DNER: variants seen among roughly 807,000 people sequenced by gnomAD.
DNER encodes the protein delta and Notch-like epidermal growth factor-related receptor.
DNER carries 33 observed loss-of-function variants against 78.2 expected under a neutral mutation model. The ratio of observed to expected loss-of-function variants is 0.42; its 90% CI spans 0.32 to 0.56. The LOEUF (loss-of-function observed/expected upper bound fraction) is 0.56. Ranked by LOEUF, DNER falls within the 20% of genes least tolerant of loss-of-function variation. The pLI, the probability that DNER is intolerant of heterozygous loss-of-function variation, is 0.11. For synonymous variants in DNER, 417 were observed against 384.8 expected (o/e 1.08, Z -0.98); for missense variants, 918 against 975.3 (o/e 0.94, Z 0.78).
At chr2:229,459,381 T>C (rs1034635666) in intron 7 of DNER, among the ~76,000 whole-genome samples, 7 of 152,148 alleles carry the variant, frequency 4.6e-5, no homozygotes, top group Non-Finnish European at 1.0e-4. Flanking sequence ...GTAGTTATAG[T>C]TGTACTAGTA....
At chr2:229,593,591 T>TA (rs898901207) in intron 1 of DNER, among the ~76,000 whole-genome samples, 1 of 152,104 alleles carries the variant, frequency 6.6e-6, no homozygotes, top group African/African-American at 2.4e-5. Context: ...GATGGGACTT[T>TA]AAAAAAAATT....
At chr2:229,627,347 G>T (rs1266310295) in intron 1 of DNER, among the ~76,000 whole-genome samples, 2 of 152,108 alleles carry the variant, frequency 1.3e-5, no homozygotes, top group East Asian at 3.8e-4. Context: ...TAGCTCAACA[G>T]GTCACCTAAA....
At chr2:229,411,651 T>C (rs899496291) in intron 9 of DNER, among the ~76,000 whole-genome samples, 10 of 152,164 alleles carry the variant, frequency 6.6e-5, no homozygotes, top group African/African-American at 2.4e-4. Flanking sequence ...ATCTGGAAAG[T>C]AGGAAAACAA....
intron 10 of DNER, among the ~76,000 whole-genome samples, chr2:229,403,579 C>A (rs1693315430): frequency 6.6e-6 from 1 of 152,132 alleles, no homozygotes; most frequent in African/African-American, 2.4e-5. Context: ...CCTCTGTAGG[C>A]TGAAAAACTA....
At chr2:229,651,772 A>C (rs528449580) in intron 1 of DNER, among the ~76,000 whole-genome samples, 5 of 152,230 alleles carry the variant, frequency 3.3e-5, no homozygotes, top group Non-Finnish European at 7.3e-5. Flanking sequence ...GATTTCAAAA[A>C]GGAACATGAG....
chr2:229,704,101 T>C (rs1699791273), intron 1 of DNER, among the ~76,000 whole-genome samples: 1 of 152,200 alleles, frequency 6.6e-6, no homozygotes, highest in African/African-American at 2.4e-5. Flanking sequence ...TATGAAAAGA[T>C]GTTCAACACC....
At chr2:229,487,921 G>A (rs1215647580) in intron 6 of DNER, among the ~76,000 whole-genome samples, 1 of 152,318 alleles carries the variant, frequency 6.6e-6, no homozygotes, top group Non-Finnish European at 1.5e-5. Flanking sequence ...ACAAGGCTAG[G>A]CTAGGGCCCC....
At chr2:229,598,394 C>G (rs1164258640) in intron 1 of DNER, among the ~76,000 whole-genome samples, 2 of 152,220 alleles carry the variant, frequency 1.3e-5, no homozygotes, top group African/African-American at 4.8e-5. Context: ...TGAATAAAGC[C>G]TTACCTGGCC....
intron 1 of DNER, among the ~76,000 whole-genome samples, chr2:229,687,261 T>C (rs1260369987): frequency 7.0e-6 from 1 of 143,878 alleles, no homozygotes; most frequent in Non-Finnish European, 1.5e-5. Context: ...AATTTCCAAC[T>C]TCTTTTTTTT....
intron 6 of DNER, among the ~76,000 whole-genome samples, chr2:229,492,959 C>A (rs1316687276): frequency 1.3e-5 from 2 of 152,180 alleles, no homozygotes; most frequent in Admixed American, 6.5e-5. Context: ...ACCTGAGCCA[C>A]CACACCCAGC....
chr2:229,496,937 C>T (rs753837935), intron 6 of DNER, among the ~76,000 whole-genome samples: 4 of 152,106 alleles, frequency 2.6e-5, no homozygotes, highest in Non-Finnish European at 4.4e-5. Context: ...CTGGACTGTA[C>T]TTCAGGCCAA....
At chr2:229,382,809 C>T (rs1392732441) in intron 11 of DNER, among the ~76,000 whole-genome samples, 2 of 152,036 alleles carry the variant, frequency 1.3e-5, no homozygotes, top group Admixed American at 6.6e-5. Flanking sequence ...TTGAAAGTGA[C>T]GGGGAGAATG....
intron 4 of DNER, among the ~76,000 whole-genome samples, chr2:229,559,707 T>C (rs1183126831): frequency 2.0e-5 from 3 of 152,210 alleles, no homozygotes. Context: ...GCTACACAAC[T>C]GGGAGATTTC....
chr2:229,496,844 A>G (rs1695513197), intron 6 of DNER, among the ~76,000 whole-genome samples: 2 of 152,202 alleles, frequency 1.3e-5, no homozygotes, highest in Admixed American at 6.5e-5. Context: ...TTAGACTGCA[A>G]TACAATAGCA....
rs571518557 is a variant in DNER, at chr2:229,367,027, A to C, written c.1948T>G (p.Phe650Val). 1 of 1,614,080 alleles carries C rather than the reference A, an allele frequency of 6.2e-7. No individual in the cohort carries two copies. Among genetic ancestry groups the C allele is most frequent in the South Asian group, 1.1e-5 (1 of 91,052 alleles). Residue 650 changes from phenylalanine to valine, a missense_variant, in exon 12 of 13, where the codon TTC (phenylalanine) becomes GTC (valine). Transcript: ENST00000341772. ...YIIIGALCVA[F>V]ILMLIILIVG... is the part of the protein sequence containing the mutation. ...ATCAGGATGATCAGCATAAGGATGA[A>C]GGCCACGCAGAGGGCTCCAATGATG...
intron 1 of DNER, among the ~76,000 whole-genome samples, chr2:229,612,603 T>A (rs1698069857): frequency 6.6e-6 from 1 of 152,258 alleles, no homozygotes; most frequent in African/African-American, 2.4e-5. Context: ...GAAGCCTCGC[T>A]GCGGACACAA....
At chr2:229,462,900 A>C (rs910632493) in intron 7 of DNER, among the ~76,000 whole-genome samples, 1 of 152,022 alleles carries the variant, frequency 6.6e-6, no homozygotes, top group African/African-American at 2.4e-5. Flanking sequence ...CACTGTCCAG[A>C]AGCTGCTGCT....
At chr2:229,400,144 G>A (rs916650110) in intron 10 of DNER, among the ~76,000 whole-genome samples, 1 of 152,042 alleles carries the variant, frequency 6.6e-6, no homozygotes, top group Non-Finnish European at 1.5e-5. Flanking sequence ...GTATTTGGTT[G>A]TTGGTGTGAA....
chr2:229,475,572 CATT>C (rs1184067643), intron 7 of DNER, among the ~76,000 whole-genome samples: 2 of 152,200 alleles, frequency 1.3e-5, no homozygotes, highest in Non-Finnish European at 2.9e-5. Flanking sequence ...CCTTCCTTAG[CATT>C]ATATCCTAGC....
Sources: gnomAD v4.1 joint callset for allele counts (sites outside exome capture counted in the v4.1 genomes callset) on GRCh38, gnomAD v4.1.1 for gene constraint, MANE v1.5 for transcripts, NCBI Gene and HGNC (gene_info 2026-07-23, HGNC 2026-07-21) for gene names.